Variants in TECRL observed in about 807,000 individuals in gnomAD.
TECRL encodes trans-2,3-enoyl-CoA reductase-like.
Under a neutral mutation model 52.8 loss-of-function variants are expected in TECRL, and 63 were observed. The ratio of observed to expected loss-of-function variants is 1.19; its 90% confidence interval spans 0.97 to 1.47. The LOEUF (loss-of-function observed/expected upper bound fraction) is 1.47. Among genes scored for constraint, TECRL ranks in the 40% most tolerant of loss-of-function variants. The pLI is 0.00. For missense variants in TECRL, 482 were observed against 429.6 expected (o/e 1.12, Z -1.08); for synonymous variants, 164 against 141.9 (o/e 1.16, Z -1.10).
At chr4:64,348,900 C>G in intron 2 of TECRL, among the ~76,000 whole-genome samples, 1 of 152,052 alleles carries the variant, frequency 6.6e-6, no homozygotes, top group Middle Eastern at 3.4e-3. Context: ...GGAAGAGATC[C>G]CTCCTCTTTG....
Position 64,279,745 on chromosome 4 carries a change from G to T in TECRL, c.*327C>A, listed in dbSNP as rs2348313. On this transcript the variant is annotated 3_prime_UTR_variant, in exon 12 of 12. Coordinates refer to ENST00000381210, the MANE Select transcript of TECRL (RefSeq NM_001010874.5). ...GTCTGTTCAGATCGCTTTTTCATTT[G>T]TTAATCAGATTTTTTTTTTTGCTGT... The T allele has an allele frequency of 0.97, 955,473 of 981,498 alleles. 465,148 individuals carry two copies. The highest frequency in any genetic ancestry group is 1 in the East Asian group (8,910 of 8,914). The allele number at this position is 981,498 out of a possible 1,614,324, so 60.8% of individuals were successfully genotyped here.
chr4:64,310,479 T>C (rs550832057), intron 5 of TECRL, among the ~76,000 whole-genome samples: 2 of 152,292 alleles, frequency 1.3e-5, no homozygotes, highest in African/African-American at 4.8e-5. Context: ...ATTTTGTCCC[T>C]TTGTGTGTTT....
intron 2 of TECRL, among the ~76,000 whole-genome samples, chr4:64,374,233 A>G (rs1308590758): frequency 6.6e-6 from 1 of 150,936 alleles, no homozygotes; most frequent in South Asian, 2.1e-4. Flanking sequence ...AAGCAATTGT[A>G]TTCCTTCCTG....
chr4:64,375,326 T>C, intron 1 of TECRL, 103 bp from the exon 2 acceptor site: 1 of 552,228 alleles, frequency 1.8e-6, no homozygotes, highest in Non-Finnish European at 3.0e-6. Flanking sequence ...TCTTACACAA[T>C]AAGAATTTTT....
In TECRL at chr4:64,292,742, C is replaced by T. The variant is rs368085424; in HGVS notation, c.775-2975G>A. Among the ~76,000 whole-genome samples the T allele has an allele frequency of 7.9e-5, 12 of 151,996 alleles. No individual in the cohort carries two copies. In the South Asian group the frequency reaches 1.9e-3, roughly 24 times the overall value. ...CTTCTGTTGTCAAGAACAAGATGGC[C>T]TAGATTTATTTCATAAAAAGTAACC... On this transcript the variant is annotated intron_variant, in intron 8 of 11. Coordinates refer to ENST00000381210, the MANE Select transcript of TECRL (RefSeq NM_001010874.5).
In TECRL at chr4:64,304,967, G is replaced by A. The variant is rs972519572; in HGVS notation, c.730+199C>T. On this transcript the variant is annotated intron_variant, in intron 7 of 11. Coordinates refer to ENST00000381210, the MANE Select transcript of TECRL (RefSeq NM_001010874.5). ...AACCTACTAATATTTTTGGTGGTTC[G>A]TGTAGAAACAAAATAAATAAAAATA... is the stretch of plus-strand genomic sequence containing the variant. 2.4e-5 allele frequency: 9 copies of A among 369,258 alleles called. No homozygotes were observed. In the South Asian group the frequency reaches 5.7e-4, roughly 23 times the overall value. 22.9% of individuals were successfully genotyped at this position (369,258 alleles called of 1,614,324 possible). A position where few individuals can be genotyped will look rare whatever the true frequency, so the allele number is the denominator to read the frequency against.
intron 4 of TECRL, among the ~76,000 whole-genome samples, chr4:64,321,376 GTTGA>G (rs1440698532): frequency 5.3e-5 from 8 of 152,116 alleles, no homozygotes; most frequent in East Asian, 3.9e-4. Flanking sequence ...GAATGGTAAT[GTTGA>G]TTGATTGTTA....
intron 4 of TECRL, among the ~76,000 whole-genome samples, chr4:64,319,301 C>A (rs978257401): frequency 8.1e-5 from 12 of 148,194 alleles, no homozygotes; most frequent in African/African-American, 3.0e-4. Context: ...GTGAAATTTA[C>A]AATAAAAATA....
At chr4:64,363,647 T>C (rs993081365) in intron 2 of TECRL, among the ~76,000 whole-genome samples, 26 of 152,146 alleles carry the variant, frequency 1.7e-4, no homozygotes, top group Admixed American at 4.6e-4. Context: ...CTGAGAAAGG[T>C]AAAAACATTT....
intron 9 of TECRL, among the ~76,000 whole-genome samples, chr4:64,286,647 A>T (rs910586021): frequency 6.6e-6 from 1 of 152,080 alleles, no homozygotes; most frequent in Admixed American, 6.6e-5. Flanking sequence ...CTTTTATAAT[A>T]AAAAAGTCAC....
At chr4:64,357,079 A>G (rs1230869101) in intron 2 of TECRL, among the ~76,000 whole-genome samples, 2 of 152,190 alleles carry the variant, frequency 1.3e-5, no homozygotes, top group Non-Finnish European at 2.9e-5. Flanking sequence ...TGAGACCTAT[A>G]TATTAAAATG....
chr4:64,392,759 C>A (rs1176097088), intron 1 of TECRL, among the ~76,000 whole-genome samples: 1 of 151,920 alleles, frequency 6.6e-6, no homozygotes, highest in Non-Finnish European at 1.5e-5. Context: ...GTATTAACAA[C>A]TTTTTTCTAG....
chr4:64,405,398 T>C (rs1724639353), intron 1 of TECRL, among the ~76,000 whole-genome samples: 1 of 152,112 alleles, frequency 6.6e-6, no homozygotes, highest in African/African-American at 2.4e-5. Context: ...AGATGGATTG[T>C]ATGTGAGGTG....
chr4:64,288,273 A>G (rs1032804736), intron 9 of TECRL, among the ~76,000 whole-genome samples: 14 of 152,156 alleles, frequency 9.2e-5, no homozygotes, highest in African/African-American at 3.4e-4. Flanking sequence ...TGGTTTAAGA[A>G]GTTTTGTGAG....
intron 1 of TECRL, among the ~76,000 whole-genome samples, chr4:64,387,706 T>A (rs1019956864): frequency 6.6e-6 from 1 of 152,068 alleles, no homozygotes; most frequent in Admixed American, 6.6e-5. Flanking sequence ...TAGTGAAGTG[T>A]CTGTTAAGTT....
chr4:64,308,531 T>C (rs1183671495), intron 6 of TECRL, among the ~76,000 whole-genome samples: 2 of 152,178 alleles, frequency 1.3e-5, no homozygotes, highest in African/African-American at 2.4e-5. Flanking sequence ...TCCTTGTCTT[T>C]CCCACATAAA....
At chr4:64,311,337 G>A (rs986116335) in intron 5 of TECRL, among the ~76,000 whole-genome samples, 3 of 152,150 alleles carry the variant, frequency 2.0e-5, no homozygotes, top group Non-Finnish European at 4.4e-5. Context: ...AAAGGTGAGA[G>A]AGCAAGCATC....
chr4:64,278,809 CT>C lies in TECRL; in HGVS notation c.*1262del, dbSNP rs1207914229. On this transcript the variant is annotated 3_prime_UTR_variant, in exon 12 of 12. Coordinates refer to ENST00000381210, the MANE Select transcript of TECRL (RefSeq NM_001010874.5). ...GTAGTATCCTCTGTTTTATTTTTTACTTCTATGATATCAATTTTTTTAGCTT... is the reference window on the plus strand; with the variant it reads ...GTAGTATCCTCTGTTTTATTTTTTACTCTATGATATCAATTTTTTTAGCTT... 6.6e-6 allele frequency: 1 copy of C among 152,052 alleles called. No individual in the cohort carries two copies. Among genetic ancestry groups the C allele is most frequent in the Non-Finnish European group, 1.5e-5 (1 of 67,980 alleles). The allele number at this position is 152,052 out of a possible 1,614,324, so 9.4% of individuals were successfully genotyped here.
At chr4:64,354,690 G>A (rs1269084093) in intron 2 of TECRL, among the ~76,000 whole-genome samples, 4 of 152,154 alleles carry the variant, frequency 2.6e-5, no homozygotes, top group Non-Finnish European at 5.9e-5. Context: ...GTAAACCCAA[G>A]CATCTGTATT....
Sources: allele counts gnomAD v4.1 joint callset (sites outside exome capture counted in the v4.1 genomes callset), GRCh38; gene constraint gnomAD v4.1.1; transcripts MANE v1.5; gene names NCBI Gene and HGNC (gene_info 2026-07-23, HGNC 2026-07-21).